The following EVI5L variants were observed in gnomAD, a reference collection of about 807,000 sequenced individuals.
EVI5L encodes ecotropic viral integration site 5 like.
In EVI5L, 30 loss-of-function variants were observed where a neutral mutation model predicts 106.1. The observed-to-expected ratio is 0.28, with a 90% CI of 0.21 to 0.38. The LOEUF (loss-of-function observed/expected upper bound fraction) is 0.38. Among genes scored for constraint, EVI5L ranks in the 10% least tolerant of loss-of-function variants. The probability of loss-of-function intolerance (pLI) is 1.00; values close to 1 mark genes in which losing one functional copy is unlikely to be tolerated. For missense variants in EVI5L, 809 were observed against 1,098.0 expected (o/e 0.74, Z 3.72); for synonymous variants, 489 against 483.3 (o/e 1.01, Z -0.15).
intron 7 of EVI5L, 33 bp from the exon 8 acceptor site, chr19:7,851,648 C>A: frequency 6.3e-7 from 1 of 1,589,912 alleles, no homozygotes; most frequent in Non-Finnish European, 8.5e-7. Flanking sequence ...CCTCCCTGCC[C>A]TCCACCTCCC....
rs1979344293 is a variant in EVI5L at position 7,853,180 on chromosome 19, A to G, written c.1082A>G (p.Lys361Arg). The G allele has an allele frequency of 6.2e-7, 1 of 1,614,098 alleles. No individual in the cohort carries two copies. The highest frequency in any genetic ancestry group is 8.5e-7 in the Non-Finnish European group (1 of 1,180,032). ...GTCAAGTACAACCCCAAGAAGATGA[A>G]GAGGTCGGTGCCTGCTGGGCAACCA... ...YQVKYNPKKM[K>R]RLEKEYAAMK... The change falls in exon 9 of 20, where the codon AAG (lysine) becomes AGG (arginine). Residue 361 changes from lysine (K) to arginine (R), a missense_variant. Physicochemically the swap from Lys to Arg is conservative, Grantham distance 26. This residue lies in a region of EVI5L where 357 missense variants were observed against 588.1 expected (regional missense o/e 0.61). Transcript: ENST00000538904.
chr19:7,844,503 T>C (rs1056879920), intron 1 of EVI5L, among the ~76,000 whole-genome samples: 1 of 152,046 alleles, frequency 6.6e-6, no homozygotes, highest in Admixed American at 6.5e-5. Context: ...CTCCCCATTC[T>C]CCCAGCTCTG....
chr19:7,853,220 A>AG, intron 9 of EVI5L, 37 bp downstream of exon 9: 3 of 1,613,920 alleles, frequency 1.9e-6, no homozygotes, highest in Non-Finnish European at 2.5e-6. Context: ...ACTGGTAAGA[A>AG]GGGGGGACCC....
intron 8 of EVI5L, among the ~76,000 whole-genome samples, chr19:7,852,403 C>T (rs954573379): frequency 2.0e-5 from 3 of 152,200 alleles, no homozygotes; most frequent in Non-Finnish European, 2.9e-5. Flanking sequence ...CTGTGTCCCC[C>T]CTGGGCTTAC....
Position 7,848,781 on chromosome 19 carries a change from G to GT in EVI5L, c.328-139dup, listed in dbSNP as rs1225491201. On this transcript the variant is annotated intron_variant, in intron 3 of 19. Transcript: ENST00000538904. The surrounding 1 kb of genome is among the most constrained non-coding windows in gnomAD (Gnocchi z 4.8). ...GAGACCCTGTCTCTGAAAAAAGGGGGTAAAAAAAGGATTGGGGACCATGAG... is the reference window on the plus strand; with the variant it reads ...GAGACCCTGTCTCTGAAAAAAGGGGGTTAAAAAAAGGATTGGGGACCATGAG... 1.2e-5 allele frequency: 9 copies of GT among 749,458 alleles called. 1 individual carries two copies. Among genetic ancestry groups the GT allele is most frequent in the Middle Eastern group, 6.8e-4 (2 of 2,954 alleles). 46.4% of individuals were successfully genotyped at this position (749,458 alleles called of 1,614,324 possible).
In EVI5L at chr19:7,836,262, G is replaced by T. The variant is rs528445697; in HGVS notation, c.-48+5881G>T. 2.6e-5 allele frequency among the ~76,000 whole-genome samples: 4 copies of T among 152,190 alleles called. No homozygotes were observed. In the East Asian group the frequency reaches 7.7e-4, roughly 29 times the overall value. On this transcript the variant is annotated intron_variant, in intron 1 of 19. Transcript: ENST00000538904. ...AGAAAAGAAAAAAAGAAGGAAATGG[G>T]GGGTAGGGGAGTAAGGGAAACAACA...
Position 7,845,850 on chromosome 19 carries a change from C to T in EVI5L, c.-47-646C>T, listed in dbSNP as rs1452575691. ...TCTGGATACGGATCGGAGCCCACAGCTCTGGCTCTGTGTCTGCCAGGGCAC... is the reference window on the plus strand; with the variant it reads ...TCTGGATACGGATCGGAGCCCACAGTTCTGGCTCTGTGTCTGCCAGGGCAC... On this transcript the variant is annotated intron_variant, in intron 1 of 19. Transcript: ENST00000538904. This position sits in a 1 kb window ranked among gnomAD's most constrained non-coding sequence, Gnocchi z 4.0. Among the ~76,000 whole-genome samples, 1 of 152,212 alleles carries T rather than the reference C, an allele frequency of 6.6e-6. No individual in the cohort carries two copies. Among genetic ancestry groups the T allele is most frequent in the African/African-American group, 2.4e-5 (1 of 41,452 alleles).
At chr19:7,840,828 A>T (rs1978566203) in intron 1 of EVI5L, among the ~76,000 whole-genome samples, 1 of 148,678 alleles carries the variant, frequency 6.7e-6, no homozygotes, top group East Asian at 2.0e-4. Flanking sequence ...GTAATATTCC[A>T]CTGTCTGGGT....
At chr19:7,847,586 A>T in intron 2 of EVI5L, 146 bp from the exon 3 acceptor site, 1 of 712,314 alleles carries the variant, frequency 1.4e-6, no homozygotes, top group Non-Finnish European at 2.1e-6. Flanking sequence ...ACTCCATCTC[A>T]AAGAAGAAGA....
In EVI5L at chr19:7,847,726, G is replaced by T. The variant is rs1198032021; in HGVS notation, c.138-6G>T. On this transcript the variant is annotated splice_polypyrimidine_tract_variant and splice_region_variant and intron_variant, in intron 2 of 19. Coordinates refer to ENST00000538904, the MANE Select transcript of EVI5L (RefSeq NM_001159944.3). ...TGGTTCCCCTCTGTCGGCCCTTCCT[G>T]CCCAGGCTCCTGGAGGCCGACTCCA... 3.1e-6 allele frequency: 5 copies of T among 1,609,986 alleles called. No homozygotes were observed. The highest frequency in any genetic ancestry group is 1.8e-4 in the Middle Eastern group (1 of 5,558).
At chr19:7,861,669 G>A (rs1421379820) in intron 14 of EVI5L, among the ~76,000 whole-genome samples, 3 of 152,164 alleles carry the variant, frequency 2.0e-5, no homozygotes, top group Non-Finnish European at 4.4e-5. Context: ...AGTAGGTGCT[G>A]TTACTACACC....
chr19:7,831,161 TC>T (rs1037002683), intron 1 of EVI5L, among the ~76,000 whole-genome samples: 2 of 146,970 alleles, frequency 1.4e-5, no homozygotes, highest in African/African-American at 5.1e-5. Context: ...GCTCAAGACC[TC>T]CCGTTGGATA....
At position 7,857,639 on chromosome 19, in the gene EVI5L, C is replaced by T. The variant is rs1979595003; in HGVS notation, c.1233+515C>T. On this transcript the variant is annotated intron_variant, in intron 12 of 19. Coordinates refer to ENST00000538904, the MANE Select transcript of EVI5L (RefSeq NM_001159944.3). The surrounding 1 kb of genome is among the most constrained non-coding windows in gnomAD (Gnocchi z 4.5). Reference sequence around the variant, plus strand: ...TTTATCTGGAAGCTGCCACCCGCCACCTGGTGGCTTTGAGCCTGGAATGGG... The same window carrying T: ...TTTATCTGGAAGCTGCCACCCGCCATCTGGTGGCTTTGAGCCTGGAATGGG... The T allele has an allele frequency of 1.7e-5, 3 of 181,698 alleles. No homozygotes were observed. The highest frequency in any genetic ancestry group is 2.4e-4 in the South Asian group (2 of 8,332). The allele number at this position is 181,698 out of a possible 1,614,324, so 11.3% of individuals were successfully genotyped here. A position where few individuals can be genotyped will look rare whatever the true frequency, so the allele number is the denominator to read the frequency against.
rs1036401625 is a variant in EVI5L, at chr19:7,860,561, G to A, written c.1375G>A (p.Glu459Lys). The A allele has an allele frequency of 2.5e-6, 4 of 1,586,702 alleles. No homozygotes were observed. The highest frequency in any genetic ancestry group is 3.4e-6 in the Non-Finnish European group (4 of 1,168,152). ...CCACGCAGCTCTCTGCCTCCCCCAG[G>A]AGAACCCCCGCCTCACAGAAGACTT... ...STIRQLQEQQENPRLTEDFVS... is the reference protein window; with the variant it reads ...STIRQLQEQQKNPRLTEDFVS... The change falls in exon 14 of 20, where the codon GAG (glutamate) becomes AAG (lysine). Residue 459 changes from glutamate to lysine, a missense_variant and splice_region_variant. Around this residue, in one of 2 missense-constraint regions of EVI5L, gnomAD observed 452 missense variants for 509.9 expected, o/e 0.89. Transcript: ENST00000538904.
chr19:7,858,507 A>G lies in EVI5L; in HGVS notation c.1374+176A>G. On this transcript the variant is annotated intron_variant, in intron 13 of 19. Coordinates refer to ENST00000538904, the MANE Select transcript of EVI5L (RefSeq NM_001159944.3). The surrounding 1 kb of genome is among the most constrained non-coding windows in gnomAD (Gnocchi z 5.7). ...GCAGATTCTCCCCCAGCAGCTCCAC[A>G]TTCTGAGACATCCTGATATCCATTT... The G allele has an allele frequency of 2.6e-6, 2 of 759,230 alleles. No individual in the cohort carries two copies. The highest frequency in any genetic ancestry group is 1.8e-5 in the African/African-American group (1 of 56,540). 47.0% of individuals were successfully genotyped at this position (759,230 alleles called of 1,614,324 possible).
At chr19:7,843,853 G>A (rs1201942889) in intron 1 of EVI5L, among the ~76,000 whole-genome samples, 3 of 152,126 alleles carry the variant, frequency 2.0e-5, no homozygotes, top group Non-Finnish European at 4.4e-5. Context: ...GCTTCAGGAG[G>A]ATGGTTTCCA....
intron 1 of EVI5L, among the ~76,000 whole-genome samples, chr19:7,844,769 G>A (rs541738354): frequency 6.6e-6 from 1 of 152,304 alleles, no homozygotes; most frequent in Admixed American, 6.5e-5. Context: ...TCAGCACCCG[G>A]CAGACTAGGG....
intron 1 of EVI5L, among the ~76,000 whole-genome samples, chr19:7,831,725 G>T (rs1978294181): frequency 6.6e-6 from 1 of 152,246 alleles, no homozygotes; most frequent in Non-Finnish European, 1.5e-5. Flanking sequence ...AGGATTCACA[G>T]CTCCTGGCTT....
rs111211960 is a variant in EVI5L at position 7,843,433 on chromosome 19, A to T, written c.-47-3063A>T. On this transcript the variant is annotated intron_variant, in intron 1 of 19. Coordinates refer to ENST00000538904, the MANE Select transcript of EVI5L (RefSeq NM_001159944.3). ...TGAGAATAGGCATGGGTGTGTCGAG[A>T]GTGTGTGTGTATGGGTGTGTGAGTG... Among the ~76,000 whole-genome samples, 15 of 107,144 alleles carry T rather than the reference A, an allele frequency of 1.4e-4. 1 individual carries two copies. The highest frequency in any genetic ancestry group is 6.7e-4 in the East Asian group (2 of 2,980). 70.3% of individuals were successfully genotyped at this position (107,144 alleles called of 152,430 possible).
Sources: gnomAD v4.1 joint callset for allele counts (sites outside exome capture counted in the v4.1 genomes callset) on GRCh38, gnomAD v4.1.1 for gene constraint, gnomAD v4.1.1 regional missense constraint, Gnocchi (gnomAD v3.1) non-coding constraint, MANE v1.5 for transcripts, NCBI Gene and HGNC (gene_info 2026-07-23, HGNC 2026-07-21) for gene names.